Variants in TNFRSF11A observed in about 807,000 individuals in gnomAD.
TNFRSF11A encodes tumor necrosis factor receptor superfamily member 11A.
Under a neutral mutation model 55.7 loss-of-function variants are expected in TNFRSF11A, and 32 were observed. That is an observed-to-expected ratio of 0.57 (90% CI 0.43 to 0.77). The LOEUF is 0.77. Ranked by LOEUF, TNFRSF11A falls within the 30% of genes least tolerant of loss-of-function variation. TNFRSF11A has a pLI of 0.00. For missense variants in TNFRSF11A, 753 were observed against 809.8 expected, an observed-to-expected ratio of 0.93 and a Z score of 0.85; for synonymous variants, 311 against 331.0, an observed-to-expected ratio of 0.94 and a Z score of 0.65.
At chr18:62,326,250 G>A (rs1400427798) in intron 1 of TNFRSF11A, among the ~76,000 whole-genome samples, 1 of 152,182 alleles carries the variant, frequency 6.6e-6, no homozygotes, top group African/African-American at 2.4e-5. Flanking sequence ...TTAACACTAG[G>A]TTAGGCTGCT....
At chr18:62,365,288 A>G (rs1909997825) in intron 7 of TNFRSF11A, among the ~76,000 whole-genome samples, 3 of 152,168 alleles carry the variant, frequency 2.0e-5, no homozygotes. Context: ...TAGTGAACCC[A>G]ACATTAAATG....
chr18:62,343,858 A>G (rs924277369), intron 1 of TNFRSF11A, among the ~76,000 whole-genome samples: 2 of 152,244 alleles, frequency 1.3e-5, no homozygotes, highest in African/African-American at 2.4e-5. Context: ...AATGTTCCTT[A>G]TTAATTCCAG....
At position 62,349,904 on chromosome 18, in the gene TNFRSF11A, G is replaced by T; in HGVS notation, c.250G>T (p.Asp84Tyr). The change falls in exon 3 of 10, where the codon GAT becomes TAT. Residue 84 changes from aspartate to tyrosine, a missense_variant. Physicochemically the swap from Asp to Tyr is radical, Grantham distance 160. This residue lies in a region of TNFRSF11A where 156 missense variants were observed against 155.1 expected (regional missense o/e 1.01). Coordinates refer to ENST00000586569, the MANE Select transcript of TNFRSF11A (RefSeq NM_003839.4). ...ATACTTGGATAGCTGGAATGAAGAA[G>T]ATAAATGCTTGCTGCATAAAGTTTG... is the stretch of plus-strand genomic sequence containing the variant. ...DEYLDSWNEE[D>Y]KCLLHKVCDT... The T allele has an allele frequency of 6.2e-7, 1 of 1,614,112 alleles. No individual in the cohort carries two copies. The highest frequency in any genetic ancestry group is 8.5e-7 in the Non-Finnish European group (1 of 1,179,978).
intron 1 of TNFRSF11A, among the ~76,000 whole-genome samples, chr18:62,332,529 G>A (rs2046170120): frequency 6.6e-6 from 1 of 152,100 alleles, no homozygotes; most frequent in Admixed American, 6.5e-5. Context: ...CCTAATATCA[G>A]GAACTTCCCT....
intron 2 of TNFRSF11A, among the ~76,000 whole-genome samples, chr18:62,348,946 G>A (rs1046100759): frequency 5.6e-4 from 85 of 152,298 alleles, no homozygotes; most frequent in African/African-American, 1.9e-3. Context: ...CGGGTGGGGC[G>A]CAGCGTGACA....
intron 7 of TNFRSF11A, among the ~76,000 whole-genome samples, chr18:62,362,360 C>A (rs778329336): frequency 9.9e-5 from 15 of 151,896 alleles, no homozygotes; most frequent in Non-Finnish European, 2.2e-4. Context: ...CATGGTGGCA[C>A]ATGCCTGTAA....
chr18:62,369,795 G>A (rs1910399693), intron 9 of TNFRSF11A, among the ~76,000 whole-genome samples: 1 of 152,132 alleles, frequency 6.6e-6, no homozygotes, highest in African/African-American at 2.4e-5. Context: ...CACTGACCCC[G>A]GAAAGACAAA....
At chr18:62,340,227 G>T (rs1010561411) in intron 1 of TNFRSF11A, among the ~76,000 whole-genome samples, 1 of 151,700 alleles carries the variant, frequency 6.6e-6, no homozygotes, top group East Asian at 2.0e-4. Context: ...ATTCGTTTTG[G>T]GTTTTCTTTG....
chr18:62,338,361 T>C (rs2046264140), intron 1 of TNFRSF11A, among the ~76,000 whole-genome samples: 1 of 152,212 alleles, frequency 6.6e-6, no homozygotes, highest in Admixed American at 6.5e-5. Flanking sequence ...CAGATACTTG[T>C]GTGCCAGTGT....
rs1445240203 is a variant in TNFRSF11A, at chr18:62,388,139, G to A, written c.*3105G>A. The A allele has an allele frequency of 6.6e-6, 1 of 152,232 alleles. No individual in the cohort carries two copies. The highest frequency in any genetic ancestry group is 1.5e-5 in the Non-Finnish European group (1 of 68,110). The allele number at this position is 152,232 out of a possible 1,614,324, so 9.4% of individuals were successfully genotyped here. A position where few individuals can be genotyped will look rare whatever the true frequency, so the allele number is the denominator to read the frequency against. On this transcript the variant is annotated 3_prime_UTR_variant, in exon 10 of 10. Coordinates refer to ENST00000586569, the MANE Select transcript of TNFRSF11A (RefSeq NM_003839.4). ...ACTTATTTAGCTCCCAATTCTATGG[G>A]TTGGATCAGCTTGGGTGGTTCTTCA...
chr18:62,347,724 C>T (rs1273348549), intron 1 of TNFRSF11A, among the ~76,000 whole-genome samples: 2 of 152,000 alleles, frequency 1.3e-5, no homozygotes, highest in Admixed American at 1.3e-4. Context: ...GCCAGCCTGG[C>T]CAACATGGTG....
chr18:62,375,070 A>C (rs1910796335), intron 9 of TNFRSF11A, among the ~76,000 whole-genome samples: 1 of 135,090 alleles, frequency 7.4e-6, no homozygotes. Flanking sequence ...ACACCCTGCT[A>C]ATTTTTGTGT....
At chr18:62,357,591 G>T (rs928672863) in intron 4 of TNFRSF11A, among the ~76,000 whole-genome samples, 7 of 152,172 alleles carry the variant, frequency 4.6e-5, no homozygotes, top group Non-Finnish European at 7.3e-5. Flanking sequence ...GAGACCATAG[G>T]CCTGCAAAGC....
chr18:62,351,334 A>T (rs1425161919), intron 3 of TNFRSF11A, among the ~76,000 whole-genome samples: 1 of 152,182 alleles, frequency 6.6e-6, no homozygotes, highest in Non-Finnish European at 1.5e-5. Context: ...TTGTTAGATC[A>T]ATTTCTTATA....
intron 1 of TNFRSF11A, among the ~76,000 whole-genome samples, chr18:62,340,834 C>G (rs1398799983): frequency 6.6e-6 from 1 of 152,118 alleles, no homozygotes; most frequent in African/African-American, 2.4e-5. Context: ...GTGAACACAC[C>G]CATGGGGTGT....
At chr18:62,349,618 G>A (rs1404648969) in intron 2 of TNFRSF11A, among the ~76,000 whole-genome samples, 194 bp from the exon 3 acceptor site, 1 of 152,186 alleles carries the variant, frequency 6.6e-6, no homozygotes, top group African/African-American at 2.4e-5. Flanking sequence ...GGCCTGAGGA[G>A]CCCAGGGTGC....
At chr18:62,355,253 C>T (rs945101585) in intron 4 of TNFRSF11A, among the ~76,000 whole-genome samples, 52 of 152,132 alleles carry the variant, frequency 3.4e-4, no homozygotes, top group Middle Eastern at 3.4e-3. Context: ...GAAAAATATG[C>T]ACCTATTTGA....
chr18:62,382,095 G>T (rs1008596526), intron 9 of TNFRSF11A, among the ~76,000 whole-genome samples: 32 of 134,342 alleles, frequency 2.4e-4, no homozygotes, highest in African/African-American at 8.0e-4. Context: ...GCTGATTATA[G>T]TTTCCTGAGT....
chr18:62,351,800 G>C (rs1265172611), intron 3 of TNFRSF11A, among the ~76,000 whole-genome samples: 1 of 152,134 alleles, frequency 6.6e-6, no homozygotes, highest in Non-Finnish European at 1.5e-5. Flanking sequence ...TATTGTTGCT[G>C]TTGTTTGTTT....
Sources: gnomAD v4.1 joint callset for allele counts (sites outside exome capture counted in the v4.1 genomes callset) on GRCh38, gnomAD v4.1.1 for gene constraint, gnomAD v4.1.1 regional missense constraint, MANE v1.5 for transcripts, NCBI Gene and HGNC (gene_info 2026-07-23, HGNC 2026-07-21) for gene names.